Variants in GNB1 observed in about 807,000 individuals in gnomAD.
The protein encoded by GNB1 is G protein subunit beta 1.
GNB1 carries 2 observed loss-of-function variants against 42.9 expected under a neutral mutation model. The observed-to-expected ratio is 0.05, with a 90% CI of 0.02 to 0.15. The LOEUF is 0.15. GNB1 is among the 10% of genes least tolerant of loss of function. The pLI is 1.00. For missense variants in GNB1, 193 were observed against 462.2 expected (o/e 0.42, Z 5.34); for synonymous variants, 183 against 174.7 (o/e 1.05, Z -0.38).
chr1:1,788,985 C>A (rs879672307), intron 10 of GNB1, 68 bp downstream of exon 10: 17 of 1,142,360 alleles, frequency 1.5e-5, no homozygotes, highest in Non-Finnish European at 2.2e-5. Context: ...TATGCAACCA[C>A]TCTGTGTTTG....
Position 1,890,999 on chromosome 1 carries a change from C to CCGCCCG in GNB1, c.-281_-276dup, listed in dbSNP as rs1486715216. On this transcript the variant is annotated 5_prime_UTR_variant, in exon 1 of 12. Coordinates refer to ENST00000378609, the MANE Select transcript of GNB1 (RefSeq NM_002074.5). ...CACTCCCGGCCCCGCTCCCCACTCG[C>CCGCCCG]CGCCCGCTCCCGCTCCCGCCGCCGC... The CCGCCCG allele has an allele frequency of 6.6e-6, 1 of 152,462 alleles. No homozygotes were observed. Among genetic ancestry groups the CCGCCCG allele is most frequent in the African/African-American group, 2.4e-5 (1 of 40,938 alleles). The allele number at this position is 152,462 out of a possible 1,614,324, so 9.4% of individuals were successfully genotyped here. A position where few individuals can be genotyped will look rare whatever the true frequency, so the allele number is the denominator to read the frequency against.
intron 1 of GNB1, among the ~76,000 whole-genome samples, chr1:1,885,868 T>TAAA (rs79504690): frequency 1.5e-5 from 2 of 130,274 alleles, no homozygotes. Context: ...CACTTAATCT[T>TAAA]AAAAAAAAAA....
intron 7 of GNB1, among the ~76,000 whole-genome samples, chr1:1,795,476 A>G (rs1570626699): frequency 6.6e-6 from 1 of 152,306 alleles, no homozygotes; most frequent in East Asian, 1.9e-4. Context: ...TGAAAGAATC[A>G]TGACCTTGGC....
intron 2 of GNB1, among the ~76,000 whole-genome samples, chr1:1,837,244 CCATT>C (rs1232006735): frequency 6.6e-6 from 1 of 151,418 alleles, no homozygotes; most frequent in African/African-American, 2.4e-5. Flanking sequence ...GGTATATGAT[CCATT>C]GAGTTAATTT....
intron 1 of GNB1, among the ~76,000 whole-genome samples, chr1:1,873,151 T>A (rs1458540244): frequency 6.6e-6 from 1 of 152,168 alleles, no homozygotes; most frequent in Non-Finnish European, 1.5e-5. Context: ...CCTCCCACCT[T>A]GGCCTCCCAA....
At chr1:1,834,814 G>A (rs183320376) in intron 2 of GNB1, among the ~76,000 whole-genome samples, 1,961 of 151,912 alleles carry the variant, frequency 0.013, 41 homozygotes, top group African/African-American at 0.045. Context: ...GACTACAGGC[G>A]CCTGCCACTA....
intron 5 of GNB1, among the ~76,000 whole-genome samples, chr1:1,808,845 T>C (rs536064678): frequency 2.6e-5 from 4 of 152,230 alleles, no homozygotes; most frequent in East Asian, 3.9e-4. Flanking sequence ...GGTTTCCCCA[T>C]GTTACCCAGG....
rs1331901651 is a variant in GNB1, at chr1:1,807,487, A to C, written c.204-949T>G. Among the ~76,000 whole-genome samples, 12 of 147,108 alleles carry C rather than the reference A, an allele frequency of 8.2e-5. No individual in the cohort carries two copies. In the East Asian group the frequency reaches 1.2e-3, roughly 15 times the overall value. ...TGAAAAAAAAAAAAAAAAAAAAAAA[A>C]AAAAAACAAACAGAAAGAACAAACC... On this transcript the variant is annotated intron_variant, in intron 5 of 11. Coordinates refer to ENST00000378609, the MANE Select transcript of GNB1 (RefSeq NM_002074.5).
chr1:1,840,184 C>T (rs1208234692), intron 1 of GNB1, among the ~76,000 whole-genome samples: 1 of 149,096 alleles, frequency 6.7e-6, no homozygotes, highest in African/African-American at 2.5e-5. Context: ...GTGGAGATCA[C>T]GCCACTACAC....
chr1:1,874,813 A>G (rs1649450881), intron 1 of GNB1, among the ~76,000 whole-genome samples: 2 of 151,804 alleles, frequency 1.3e-5, no homozygotes, highest in Non-Finnish European at 2.9e-5. Flanking sequence ...ACAAAAAAAA[A>G]GTGCCTCCTG....
intron 2 of GNB1, among the ~76,000 whole-genome samples, chr1:1,834,667 CTTTT>C (rs746491020): frequency 4.0e-5 from 5 of 126,332 alleles, no homozygotes; most frequent in Admixed American, 1.8e-4. Context: ...ACTCCAAGCA[CTTTT>C]TTTTTTTTTT....
Position 1,882,792 on chromosome 1 carries a change from G to A in GNB1, c.-96+8028C>T, listed in dbSNP as rs574497594. 5.9e-5 allele frequency among the ~76,000 whole-genome samples: 9 copies of A among 152,088 alleles called. No individual in the cohort carries two copies. The South Asian group carries it at 1.7e-3, about 28-fold the overall frequency. ...AAAAATCAGCTGGGCATGGTGGCAG[G>A]TGCCTGTAACCCCAGCTACTCTGGA... is the stretch of plus-strand genomic sequence containing the variant. On this transcript the variant is annotated intron_variant, in intron 1 of 11. Transcript: ENST00000378609.
rs11582768 is a variant in GNB1, at chr1:1,796,697, C to G, written c.431-3386G>C. ...AGGGGCAGGGAAAACAGACCCTGAA[C>G]AAAAGTGTGCACCCAGTGAGGAGGT... On this transcript the variant is annotated intron_variant, in intron 7 of 11. Transcript: ENST00000378609. Among the ~76,000 whole-genome samples, 784 of 152,280 alleles carry G rather than the reference C, an allele frequency of 5.1e-3. 2 individuals carry two copies. Among genetic ancestry groups the G allele is most frequent in the Non-Finnish European group, 8.7e-3 (590 of 68,008 alleles).
At chr1:1,838,838 G>A (rs918287141) in intron 2 of GNB1, among the ~76,000 whole-genome samples, 7 of 152,182 alleles carry the variant, frequency 4.6e-5, no homozygotes, top group Non-Finnish European at 2.9e-5. Flanking sequence ...GATTCAGAAG[G>A]TAAATCCTCA....
intron 1 of GNB1, among the ~76,000 whole-genome samples, chr1:1,856,226 T>C (rs375340910): frequency 2.0e-5 from 3 of 152,214 alleles, no homozygotes; most frequent in East Asian, 3.8e-4. Flanking sequence ...CTCGCTACAT[T>C]GCCCAGGCTG....
At chr1:1,812,493 C>T (rs368804568) in intron 5 of GNB1, among the ~76,000 whole-genome samples, 13 of 151,964 alleles carry the variant, frequency 8.6e-5, no homozygotes, top group Admixed American at 2.0e-4. Flanking sequence ...CAGAAAAAAA[C>T]GGCTATTTAC....
intron 5 of GNB1, among the ~76,000 whole-genome samples, chr1:1,809,992 G>T (rs968174025): frequency 6.6e-6 from 1 of 151,960 alleles, no homozygotes; most frequent in African/African-American, 2.4e-5. Context: ...CAGCACTTTG[G>T]GAGGCTGAGA....
intron 1 of GNB1, among the ~76,000 whole-genome samples, chr1:1,855,492 G>C (rs1440944592): frequency 6.6e-6 from 1 of 151,966 alleles, no homozygotes; most frequent in Non-Finnish European, 1.5e-5. Flanking sequence ...ACAAGGTCAG[G>C]AGATCAAGAC....
At chr1:1,825,697 T>C (rs559078937) in intron 2 of GNB1, 198 bp from the exon 3 acceptor site, 289 of 335,840 alleles carry the variant, frequency 8.6e-4, no homozygotes, top group African/African-American at 5.9e-3. Flanking sequence ...ACCCCTTCTC[T>C]ACTAAAAATA....
Sources: allele counts gnomAD v4.1 joint callset (sites outside exome capture counted in the v4.1 genomes callset), GRCh38; gene constraint gnomAD v4.1.1; transcripts MANE v1.5; gene names NCBI Gene and HGNC (gene_info 2026-07-23, HGNC 2026-07-21).